FIBCD1: variants seen among roughly 807,000 people sequenced by gnomAD.
The protein encoded by FIBCD1 is fibrinogen C domain-containing protein 1.
Under a neutral mutation model 45.1 loss-of-function variants are expected in FIBCD1, and 47 were observed. The observed-to-expected ratio is 1.04, with a 90% CI of 0.82 to 1.33. The LOEUF is 1.33. FIBCD1 is among the 40% of genes most tolerant of loss of function. FIBCD1 has a pLI of 0.00. For missense variants in FIBCD1, 653 were observed against 682.2 expected (o/e 0.96, Z 0.48); for synonymous variants, 313 against 308.1 (o/e 1.02, Z -0.17).
chr9:130,934,991 G>A (rs1198820764), intron 1 of FIBCD1, among the ~76,000 whole-genome samples: 2 of 152,076 alleles, frequency 1.3e-5, no homozygotes, highest in African/African-American at 2.4e-5. Context: ...GTTTGCAATC[G>A]CCCCGACCTG....
rs977862015 is a variant in FIBCD1 at position 130,919,989 on chromosome 9, C to T, written c.849+3755G>A. On this transcript the variant is annotated intron_variant, in intron 4 of 6. Transcript: ENST00000372338. ...GCAGGGCAGGGAGGCTGGGTGGGGG[C>T]GGGGAGCCCAGGCACTGAGGCTGAG... Among the ~76,000 whole-genome samples the T allele has an allele frequency of 8.0e-5, 12 of 150,232 alleles. No homozygotes were observed. In the East Asian group the frequency reaches 8.3e-4, roughly 10 times the overall value.
At chr9:130,929,346 C>A (rs949177205) in intron 2 of FIBCD1, among the ~76,000 whole-genome samples, 1 of 152,202 alleles carries the variant, frequency 6.6e-6, no homozygotes, top group Non-Finnish European at 1.5e-5. Flanking sequence ...GGGAAAGAAA[C>A]AGGATTTGAA....
chr9:130,930,284 GAGAC>G (rs961528858), intron 1 of FIBCD1, among the ~76,000 whole-genome samples: 3 of 152,146 alleles, frequency 2.0e-5, no homozygotes, highest in African/African-American at 7.2e-5. Flanking sequence ...AAAGTGGAGA[GAGAC>G]AGAGCCCCAG....
intron 5 of FIBCD1, among the ~76,000 whole-genome samples, chr9:130,906,433 C>A (rs1357467987): frequency 6.6e-6 from 1 of 152,220 alleles, no homozygotes; most frequent in Non-Finnish European, 1.5e-5. Flanking sequence ...CTCCCCCATC[C>A]CGCCCGGACA....
chr9:130,912,383 G>GCT (rs1262253531), intron 4 of FIBCD1, among the ~76,000 whole-genome samples: 1 of 126,498 alleles, frequency 7.9e-6, no homozygotes, highest in South Asian at 2.7e-4. Context: ...TCCAGCCTGG[G>GCT]CTCTCTCTCA....
chr9:130,929,726 G>A lies in FIBCD1; in HGVS notation c.393C>T (p.Asp131=). ...GCGTGTCCAGCAGCTCCTGCTCCTG[G>A]TCGCCCACCAGCCGTGGCTGGGCCT... ...EHQAQPRLVG[D]QEQELLDTLA... The change falls in exon 2 of 7, where the codon GAC becomes GAT. Residue 131 remains aspartate (D), a synonymous_variant. Coordinates refer to ENST00000372338, the MANE Select transcript of FIBCD1 (RefSeq NM_032843.5). The A allele has an allele frequency of 3.1e-6, 5 of 1,589,392 alleles. No homozygotes were observed. The highest frequency in any genetic ancestry group is 4.3e-6 in the Non-Finnish European group (5 of 1,169,282).
At chr9:130,931,320 C>T (rs1490008958) in intron 1 of FIBCD1, among the ~76,000 whole-genome samples, 5 of 152,238 alleles carry the variant, frequency 3.3e-5, no homozygotes, top group African/African-American at 7.2e-5. Context: ...CCATCCTGGC[C>T]AACAAGGTGA....
intron 4 of FIBCD1, among the ~76,000 whole-genome samples, chr9:130,919,613 AAG>A (rs1832223927): frequency 6.6e-6 from 1 of 152,130 alleles, no homozygotes; most frequent in Non-Finnish European, 1.5e-5. Flanking sequence ...TCCCGGCCTA[AAG>A]AGCTCAGGTG....
intron 4 of FIBCD1, among the ~76,000 whole-genome samples, chr9:130,923,374 G>A (rs1477431326): frequency 6.6e-6 from 1 of 152,114 alleles, no homozygotes; most frequent in African/African-American, 2.4e-5. Flanking sequence ...TCAAAAAGCC[G>A]GGCGCCCACA....
intron 4 of FIBCD1, 117 bp from the exon 5 acceptor site, chr9:130,912,005 G>A (rs1832062666): frequency 1.1e-6 from 1 of 899,854 alleles, no homozygotes; most frequent in Non-Finnish European, 1.7e-6. Flanking sequence ...GCCCTCTCGG[G>A]AGGGCAGGGG....
chr9:130,916,991 G>A (rs1455194240), intron 4 of FIBCD1, among the ~76,000 whole-genome samples: 3 of 152,296 alleles, frequency 2.0e-5, no homozygotes, highest in East Asian at 1.9e-4. Context: ...CCAGCTACTC[G>A]GGAGGCTGAG....
chr9:130,921,220 G>C (rs960643757), intron 4 of FIBCD1, among the ~76,000 whole-genome samples: 4 of 152,266 alleles, frequency 2.6e-5, no homozygotes, highest in African/African-American at 9.6e-5. Context: ...CTGTCCTCCA[G>C]GAAGGATCAG....
chr9:130,927,246 A>C (rs1832376770), intron 2 of FIBCD1, among the ~76,000 whole-genome samples: 1 of 151,930 alleles, frequency 6.6e-6, no homozygotes, highest in Admixed American at 6.6e-5. Flanking sequence ...GTCTCGAAAA[A>C]AAAAAAAGAA....
At chr9:130,930,848 G>A (rs142687711) in intron 1 of FIBCD1, 53 of 455,524 alleles carry the variant, frequency 1.2e-4, no homozygotes, top group African/African-American at 9.2e-4. Flanking sequence ...ACTGGTCAGA[G>A]AGAGCTGTGA....
In FIBCD1 at chr9:130,903,107, C is replaced by G. The variant is rs1203280898; in HGVS notation, c.*957G>C. ...CACCCCCAAGGCCCTCCTGGGAGGC[C>G]TCAGGACCCTGGAGTCCCTGGGAAA... On this transcript the variant is annotated 3_prime_UTR_variant, in exon 7 of 7. Coordinates refer to ENST00000372338, the MANE Select transcript of FIBCD1 (RefSeq NM_032843.5). 2 of 152,410 alleles carry G rather than the reference C, an allele frequency of 1.3e-5. No individual in the cohort carries two copies. Among genetic ancestry groups the G allele is most frequent in the Admixed American group, 1.3e-4 (2 of 15,296 alleles). 9.4% of individuals were successfully genotyped at this position (152,410 alleles called of 1,614,324 possible).
In FIBCD1 at chr9:130,930,008, C is replaced by A; in HGVS notation, c.111G>T (p.Leu37=). 6.5e-7 allele frequency: 1 copy of A among 1,534,278 alleles called. No homozygotes were observed. Among genetic ancestry groups the A allele is most frequent in the South Asian group, 1.3e-5 (1 of 79,908 alleles). ...CTACAGCCAGCAGCACAGCCAGGGC[C>A]AGCAGCACGGTGCACAGCACGTAGC... ...SCGYVLCTVL[L]ALAVLLAVAV... The change falls in exon 2 of 7, where the codon CTG becomes CTT. Residue 37 remains leucine (L), a synonymous_variant. Coordinates refer to ENST00000372338, the MANE Select transcript of FIBCD1 (RefSeq NM_032843.5).
At chr9:130,938,510 C>T in intron 1 of FIBCD1, 26 bp downstream of exon 1, 4 of 1,478,122 alleles carry the variant, frequency 2.7e-6, no homozygotes, top group Non-Finnish European at 2.7e-6. Context: ...GCCGCCCAGG[C>T]CCCGTGTCCC....
intron 2 of FIBCD1, among the ~76,000 whole-genome samples, chr9:130,924,763 T>C (rs1458523597): frequency 6.6e-6 from 1 of 152,160 alleles, no homozygotes; most frequent in African/African-American, 2.4e-5. Context: ...GAGTGCCCCG[T>C]GTTGGGCAAA....
intron 4 of FIBCD1, 84 bp from the exon 5 acceptor site, chr9:130,911,972 T>TCC (rs1379992261): frequency 5.5e-6 from 7 of 1,263,838 alleles, no homozygotes; most frequent in Non-Finnish European, 7.8e-6. Flanking sequence ...GCCCAGAGAC[T>TCC]CCCCTCACCC....
Sources: allele counts gnomAD v4.1 joint callset (sites outside exome capture counted in the v4.1 genomes callset), GRCh38; gene constraint gnomAD v4.1.1; transcripts MANE v1.5; gene names NCBI Gene and HGNC (gene_info 2026-07-23, HGNC 2026-07-21).